Variants in CRAMP1 observed in about 807,000 individuals in gnomAD.
CRAMP1 encodes the protein cramped chromatin regulator 1, also known as protein cramped-like.
A neutral mutation model predicts 115.4 loss-of-function variants in CRAMP1; 50 were observed. The ratio of observed to expected loss-of-function variants is 0.43; its 90% CI spans 0.35 to 0.55. The LOEUF is 0.55. Among genes scored for constraint, CRAMP1 ranks in the 20% least tolerant of loss-of-function variants. The pLI is 0.01. For missense variants in CRAMP1, 1,679 were observed against 1,721.7 expected (o/e 0.98, Z 0.44); for synonymous variants, 866 against 745.4 (o/e 1.16, Z -2.64).
chr16:1,617,762 G>A (rs1479465090), intron 2 of CRAMP1, among the ~76,000 whole-genome samples: 3 of 152,188 alleles, frequency 2.0e-5, no homozygotes, highest in Admixed American at 1.3e-4. Context: ...TTTCTCTGAA[G>A]AAGACACTCT....
At chr16:1,667,869 G>T in intron 17 of CRAMP1, 93 bp from the exon 18 acceptor site, 1 of 762,792 alleles carries the variant, frequency 1.3e-6, no homozygotes, top group East Asian at 2.7e-5. Flanking sequence ...CTATTGATTT[G>T]CCTGCAAGCT....
intron 4 of CRAMP1, among the ~76,000 whole-genome samples, chr16:1,634,611 A>G (rs2036572331): frequency 6.6e-6 from 1 of 152,026 alleles, no homozygotes; most frequent in African/African-American, 2.4e-5. Flanking sequence ...CTGTTCGTGC[A>G]TCTTTGGTGT....
At chr16:1,615,155 C>G (rs567833307) in intron 2 of CRAMP1, among the ~76,000 whole-genome samples, 170 bp downstream of exon 2, 1 of 152,238 alleles carries the variant, frequency 6.6e-6, no homozygotes, top group Admixed American at 6.5e-5. Flanking sequence ...CTCTCTCCTT[C>G]GAAGAGGCTG....
At chr16:1,657,396 A>T (rs1305381311) in intron 10 of CRAMP1, among the ~76,000 whole-genome samples, 8 of 152,194 alleles carry the variant, frequency 5.3e-5, no homozygotes. Context: ...AAGCCCAATC[A>T]TGCAGCTGAA....
Position 1,656,657 on chromosome 16 carries a change from G to C in CRAMP1, c.1900G>C (p.Asp634His), listed in dbSNP as rs1261788272. 5.1e-6 allele frequency: 8 copies of C among 1,576,560 alleles called. No individual in the cohort carries two copies. Among genetic ancestry groups the C allele is most frequent in the South Asian group, 1.2e-5 (1 of 85,986 alleles). The change falls in exon 10 of 21, where the codon GAT (aspartate) becomes CAT (histidine). Residue 634 changes from aspartate to histidine, a missense_variant. Physicochemically the swap from Asp to His is moderately conservative, Grantham distance 81. This residue lies in a region of CRAMP1 where 405 missense variants were observed against 302.6 expected (regional missense o/e 1.34). Coordinates refer to ENST00000397412, the MANE Select transcript of CRAMP1 (RefSeq NM_020825.4). The surrounding 1 kb of genome is among the most constrained non-coding windows in gnomAD (Gnocchi z 5.6). Reference protein sequence around the residue: ...LLDVCTKDLADAPAEELQEKG... With the variant: ...LLDVCTKDLAHAPAEELQEKG... ...GGATGTTTGCACTAAAGACTTGGCA[G>C]ATGCACCTGCGGAGGAGCTCCAGGA... is the stretch of plus-strand genomic sequence containing the variant.
intron 6 of CRAMP1, among the ~76,000 whole-genome samples, chr16:1,650,875 C>T (rs1447765865): frequency 3.9e-5 from 6 of 152,380 alleles, no homozygotes; most frequent in Middle Eastern, 3.4e-3. Flanking sequence ...AGCCCATTGT[C>T]GTTCACCAGC....
chr16:1,635,312 C>T (rs1264737052), intron 4 of CRAMP1, among the ~76,000 whole-genome samples: 1 of 152,218 alleles, frequency 6.6e-6, no homozygotes, highest in Non-Finnish European at 1.5e-5. Context: ...GGACTGACTC[C>T]GCCCCCAGCT....
intron 13 of CRAMP1, among the ~76,000 whole-genome samples, chr16:1,663,840 A>G (rs933986003): frequency 2.0e-5 from 3 of 151,426 alleles, no homozygotes; most frequent in African/African-American, 7.3e-5. Flanking sequence ...TCTTTTCCAC[A>G]TAATATTTTT....
At chr16:1,665,181 T>A in intron 14 of CRAMP1, 43 bp downstream of exon 14, 1 of 1,249,090 alleles carries the variant, frequency 8.0e-7, no homozygotes, top group East Asian at 2.3e-5. Context: ...TCCCTCCTCC[T>A]CACAGGAGGG....
intron 6 of CRAMP1, among the ~76,000 whole-genome samples, chr16:1,645,050 T>G (rs184972622): frequency 1.4e-5 from 2 of 145,280 alleles, no homozygotes; most frequent in Non-Finnish European, 3.0e-5. Context: ...TTTTGCTTTT[T>G]GTCATAGTTA....
chr16:1,670,906 T>C (rs1596500147), intron 20 of CRAMP1, 97 bp downstream of exon 20: 1 of 1,174,304 alleles, frequency 8.5e-7, no homozygotes, highest in East Asian at 2.5e-5. Flanking sequence ...TAAGAGCTGT[T>C]TGCCAAGAGT....
chr16:1,662,754 C>G lies in CRAMP1; in HGVS notation c.2596-7C>G, dbSNP rs2036844164. 1 of 1,613,768 alleles carries G rather than the reference C, an allele frequency of 6.2e-7. No homozygotes were observed. The highest frequency in any genetic ancestry group is 1.3e-5 in the African/African-American group (1 of 74,942). On this transcript the variant is annotated splice_polypyrimidine_tract_variant and splice_region_variant and intron_variant, in intron 12 of 20. Coordinates refer to ENST00000397412, the MANE Select transcript of CRAMP1 (RefSeq NM_020825.4). ...ACCTTCAGGTGCCGGACGCTGCTCC[C>G]TTACAGATGCAGTCGGATTTCTTCC...
chr16:1,620,749 T>C (rs2036459636), intron 2 of CRAMP1: 3 of 452,476 alleles, frequency 6.6e-6, no homozygotes, highest in Admixed American at 2.4e-5. Context: ...GAGGTTGGTT[T>C]CCCCCACCAC....
chr16:1,663,495 CT>C (rs770541300), intron 13 of CRAMP1, among the ~76,000 whole-genome samples: 1 of 152,174 alleles, frequency 6.6e-6, no homozygotes, highest in South Asian at 2.1e-4. Context: ...CTTAGGTGTT[CT>C]TTGTTCAAAC....
chr16:1,654,281 G>A (rs2036750582), intron 8 of CRAMP1, among the ~76,000 whole-genome samples: 1 of 149,810 alleles, frequency 6.7e-6, no homozygotes, highest in African/African-American at 2.5e-5. Flanking sequence ...GCGCAGTCTC[G>A]GCTCACTGCA....
chr16:1,637,510 C>G (rs929119051), intron 4 of CRAMP1, among the ~76,000 whole-genome samples: 9 of 152,222 alleles, frequency 5.9e-5, no homozygotes, highest in African/African-American at 2.2e-4. Context: ...AGGTTTAGTG[C>G]TGGCCACATC....
rs2036919726 is a variant in CRAMP1 at position 1,671,255 on chromosome 16, ATGT to A, written c.3645+449_3645+451del. On this transcript the variant is annotated intron_variant, in intron 20 of 20. Transcript: ENST00000397412. The surrounding 1 kb of genome is among the most constrained non-coding windows in gnomAD (Gnocchi z 5.0). ...GACCTTTGAGTGGCATCTCCCTGTC[ATGT>A]TGAGCTGCGGTGCAGGGGAACTGGG... Among the ~76,000 whole-genome samples the A allele has an allele frequency of 6.6e-6, 1 of 152,166 alleles. No individual in the cohort carries two copies. Among genetic ancestry groups the A allele is most frequent in the South Asian group, 2.1e-4 (1 of 4,832 alleles).
intron 6 of CRAMP1, among the ~76,000 whole-genome samples, chr16:1,641,396 A>G (rs2036630898): frequency 2.0e-5 from 3 of 152,144 alleles, no homozygotes; most frequent in African/African-American, 7.2e-5. Context: ...GAGGGAAGGA[A>G]GTGCCGTCTT....
intron 6 of CRAMP1, among the ~76,000 whole-genome samples, chr16:1,648,164 G>A (rs1446172789): frequency 6.6e-6 from 1 of 152,104 alleles, no homozygotes; most frequent in East Asian, 1.9e-4. Context: ...AACGGAAAAT[G>A]TGATTATTGA....
Sources: gnomAD v4.1 joint callset for allele counts (sites outside exome capture counted in the v4.1 genomes callset) on GRCh38, gnomAD v4.1.1 for gene constraint, gnomAD v4.1.1 regional missense constraint, Gnocchi (gnomAD v3.1) non-coding constraint, MANE v1.5 for transcripts, NCBI Gene and HGNC (gene_info 2026-07-23, HGNC 2026-07-21) for gene names.